THRB: variants seen among roughly 807,000 people sequenced by gnomAD.
THRB encodes the protein thyroid hormone receptor beta.
In THRB, 12 loss-of-function variants were observed where a neutral mutation model predicts 47.8. The ratio of observed to expected loss-of-function variants is 0.25; its 90% CI spans 0.16 to 0.41. The LOEUF (loss-of-function observed/expected upper bound fraction) is 0.41, where lower values mean the gene tolerates loss of function less well. THRB is among the 10% of genes least tolerant of loss of function. The pLI is 1.00. For missense variants in THRB, 348 were observed against 589.2 expected (o/e 0.59, Z 4.24); for synonymous variants, 218 against 212.2 (o/e 1.03, Z -0.24).
At chr3:24,211,956 A>ACTT (rs140765451) in intron 4 of THRB, among the ~76,000 whole-genome samples, 9,420 of 152,256 alleles carry the variant, frequency 0.062, 610 homozygotes, top group Admixed American at 0.21. Flanking sequence ...CACCAGTTCA[A>ACTT]CTTTATTTAT....
intron 4 of THRB, among the ~76,000 whole-genome samples, chr3:24,196,159 C>T (rs2043930920): frequency 6.6e-6 from 1 of 152,100 alleles, no homozygotes; most frequent in Non-Finnish European, 1.5e-5. Flanking sequence ...CATGATGGAA[C>T]TGGACTCAAA....
At position 24,317,449 on chromosome 3, in the gene THRB, C is replaced by T. The variant is rs140209397; in HGVS notation, c.-189+19851G>A. ...ACCATCAGGACTCGCTTGATTTCAA[C>T]GAGCAGATCTTTTATTAGAAATGTA... On this transcript the variant is annotated intron_variant, in intron 2 of 10. Transcript: ENST00000646209. Among the ~76,000 whole-genome samples, 839 of 152,222 alleles carry T rather than the reference C, an allele frequency of 5.5e-3. 9 individuals are homozygous for T. The highest frequency in any genetic ancestry group is 0.025 in the South Asian group (119 of 4,820).
At chr3:24,432,774 T>G (rs1329271010) in intron 1 of THRB, among the ~76,000 whole-genome samples, 1 of 152,098 alleles carries the variant, frequency 6.6e-6, no homozygotes, top group Non-Finnish European at 1.5e-5. Flanking sequence ...GATAGAAATG[T>G]ACTGAGGCTG....
At chr3:24,278,082 T>A (rs769301922) in intron 3 of THRB, among the ~76,000 whole-genome samples, 2 of 152,172 alleles carry the variant, frequency 1.3e-5, no homozygotes, top group South Asian at 2.1e-4. Context: ...AAGAAATCCA[T>A]AATAATGTTA....
intron 1 of THRB, among the ~76,000 whole-genome samples, chr3:24,380,274 A>C (rs2065603129): frequency 6.6e-6 from 1 of 151,538 alleles, no homozygotes; most frequent in Non-Finnish European, 1.5e-5. Flanking sequence ...GTTTTTGTTA[A>C]AATCAAATCC....
At chr3:24,309,539 C>T (rs533768410) in intron 2 of THRB, among the ~76,000 whole-genome samples, 1 of 152,206 alleles carries the variant, frequency 6.6e-6, no homozygotes, top group South Asian at 2.1e-4. Flanking sequence ...CTGTATTTGT[C>T]TTATTTCTGG....
Position 24,397,902 on chromosome 3 carries a change from A to G in THRB, c.-260-60531T>C, listed in dbSNP as rs550747352. Among the ~76,000 whole-genome samples, 174 of 152,220 alleles carry G rather than the reference A, an allele frequency of 1.1e-3. 1 individual carries two copies. The highest frequency in any genetic ancestry group is 4.0e-3 in the African/African-American group (168 of 41,562). ...AACCAGCTGCTGAGGGAAACAGCCC[A>G]CATAACACATAGAGAGAAATCCCTC... is the stretch of plus-strand genomic sequence containing the variant. On this transcript the variant is annotated intron_variant, in intron 1 of 10. Transcript: ENST00000646209.
At chr3:24,394,265 C>T (rs1367779771) in intron 1 of THRB, among the ~76,000 whole-genome samples, 1 of 152,078 alleles carries the variant, frequency 6.6e-6, no homozygotes, top group Non-Finnish European at 1.5e-5. Flanking sequence ...TATTAATGTG[C>T]CCCTCTTAAG....
At chr3:24,419,411 T>C (rs2069038048) in intron 1 of THRB, among the ~76,000 whole-genome samples, 2 of 151,812 alleles carry the variant, frequency 1.3e-5, no homozygotes, top group South Asian at 4.1e-4. Flanking sequence ...CTTAAGGACC[T>C]CTCTCCAGAT....
chr3:24,464,327 A>C (rs1415339765), intron 1 of THRB, among the ~76,000 whole-genome samples: 1 of 152,194 alleles, frequency 6.6e-6, no homozygotes, highest in Non-Finnish European at 1.5e-5. Flanking sequence ...AAATGCACAG[A>C]TAAAAATAAA....
intron 2 of THRB, among the ~76,000 whole-genome samples, chr3:24,333,123 A>G (rs1263085761): frequency 6.6e-6 from 1 of 152,070 alleles, no homozygotes; most frequent in Non-Finnish European, 1.5e-5. Flanking sequence ...AAAGAAACAA[A>G]AAAACCTGAA....
chr3:24,460,870 T>A (rs1374156456), intron 1 of THRB, among the ~76,000 whole-genome samples: 1 of 152,206 alleles, frequency 6.6e-6, no homozygotes, highest in Non-Finnish European at 1.5e-5. Flanking sequence ...TTCATCTAAC[T>A]CTTACAGGGT....
intron 1 of THRB, among the ~76,000 whole-genome samples, chr3:24,434,906 C>A (rs577713401): frequency 2.0e-5 from 3 of 152,078 alleles, no homozygotes; most frequent in Non-Finnish European, 2.9e-5. Context: ...TACTGGTCAT[C>A]GGAATTTTAC....
chr3:24,231,637 G>A (rs918011771), intron 3 of THRB, among the ~76,000 whole-genome samples: 3 of 152,062 alleles, frequency 2.0e-5, no homozygotes, highest in Non-Finnish European at 4.4e-5. Context: ...TTTTCCTTCA[G>A]TGAGCTCTAG....
At chr3:24,165,271 C>T (rs773045868) in intron 5 of THRB, 42 of 764,990 alleles carry the variant, frequency 5.5e-5, no homozygotes, top group East Asian at 7.3e-5. Flanking sequence ...CTTCAAAATA[C>T]GCGTAATAAT....
chr3:24,360,646 T>A (rs2149640550), intron 1 of THRB, among the ~76,000 whole-genome samples: 1 of 152,272 alleles, frequency 6.6e-6, no homozygotes, highest in African/African-American at 2.4e-5. Flanking sequence ...AACCTGGGCA[T>A]CAGAAGTTTT....
chr3:24,469,272 C>T (rs550254721), intron 1 of THRB, among the ~76,000 whole-genome samples: 65 of 152,160 alleles, frequency 4.3e-4, no homozygotes, highest in Non-Finnish European at 8.7e-4. Flanking sequence ...TTTCTGGGCT[C>T]ATAGCACAAT....
At chr3:24,420,070 G>A (rs2069101249) in intron 1 of THRB, among the ~76,000 whole-genome samples, 1 of 151,838 alleles carries the variant, frequency 6.6e-6, no homozygotes, top group African/African-American at 2.4e-5. Context: ...AGTTTTCCTA[G>A]AAGTGAAATT....
At chr3:24,441,124 G>C (rs150250491) in intron 1 of THRB, among the ~76,000 whole-genome samples, 1 of 152,296 alleles carries the variant, frequency 6.6e-6, no homozygotes, top group East Asian at 1.9e-4. Context: ...GCTGAGGGCT[G>C]TTCTCAGTTC....
Sources: allele counts gnomAD v4.1 joint callset (sites outside exome capture counted in the v4.1 genomes callset), GRCh38; gene constraint gnomAD v4.1.1; transcripts MANE v1.5; gene names NCBI Gene and HGNC (gene_info 2026-07-23, HGNC 2026-07-21).